The following TTLL11 variants were observed in gnomAD, a reference collection of about 807,000 sequenced individuals.
TTLL11 encodes the protein tubulin tyrosine ligase like 11, also known as tubulin polyglutamylase TTLL11.
In TTLL11, 42 loss-of-function variants were observed where a neutral mutation model predicts 51.7. The ratio of observed to expected loss-of-function variants is 0.81; its 90% CI spans 0.64 to 1.05. The LOEUF is 1.05. TTLL11 is among the 50% of genes least tolerant of loss of function. The pLI is 0.00. For missense variants in TTLL11, 799 were observed against 940.4 expected (o/e 0.85, Z 1.97); for synonymous variants, 381 against 383.5 (o/e 0.99, Z 0.08).
intron 7 of TTLL11, among the ~76,000 whole-genome samples, chr9:121,870,198 C>A (rs575871278): frequency 1.6e-4 from 25 of 152,202 alleles, no homozygotes; most frequent in Non-Finnish European, 3.2e-4. Flanking sequence ...CAAGGTCTGC[C>A]TGACTCCAAG....
At chr9:122,004,235 G>C (rs1230408015) in intron 3 of TTLL11, among the ~76,000 whole-genome samples, 1 of 152,186 alleles carries the variant, frequency 6.6e-6, no homozygotes, top group Non-Finnish European at 1.5e-5. Context: ...AAATCATTTT[G>C]TCCTGAGCTT....
chr9:121,836,142 C>T (rs762437930), intron 8 of TTLL11, among the ~76,000 whole-genome samples: 1 of 152,112 alleles, frequency 6.6e-6, no homozygotes, highest in Non-Finnish European at 1.5e-5. Context: ...GCTTTTATGG[C>T]CCCTGATTGT....
At chr9:122,053,456 A>T (rs1340386236) in intron 1 of TTLL11, among the ~76,000 whole-genome samples, 2 of 152,182 alleles carry the variant, frequency 1.3e-5, no homozygotes, top group African/African-American at 4.8e-5. Context: ...CAGCCCACAC[A>T]GCCCACACAG....
intron 6 of TTLL11, among the ~76,000 whole-genome samples, chr9:121,905,778 T>C (rs1050612720): frequency 4.6e-5 from 7 of 152,216 alleles, no homozygotes; most frequent in Admixed American, 1.3e-4. Flanking sequence ...TTGTCACTGC[T>C]TGGATGAACC....
intron 6 of TTLL11, among the ~76,000 whole-genome samples, chr9:121,951,082 A>G (rs535184906): frequency 2.0e-5 from 3 of 152,294 alleles, no homozygotes; most frequent in East Asian, 3.9e-4. Flanking sequence ...CTGATGGCGG[A>G]ACATCAGCTC....
intron 3 of TTLL11, among the ~76,000 whole-genome samples, chr9:122,031,517 G>A (rs556458163): frequency 6.6e-6 from 1 of 152,208 alleles, no homozygotes; most frequent in South Asian, 2.1e-4. Context: ...GTCAAGACCC[G>A]TTTCTTCAGT....
At chr9:121,882,839 C>T (rs998436564) in intron 6 of TTLL11, among the ~76,000 whole-genome samples, 2 of 152,198 alleles carry the variant, frequency 1.3e-5, no homozygotes, top group Non-Finnish European at 2.9e-5. Flanking sequence ...TCCCACAGTA[C>T]TTTATAGTGG....
At position 121,902,234 on chromosome 9, in the gene TTLL11, G is replaced by A. The variant is rs138523250; in HGVS notation, c.1482-31486C>T. On this transcript the variant is annotated intron_variant, in intron 6 of 8. Coordinates refer to ENST00000321582, the MANE Select transcript of TTLL11 (RefSeq NM_001139442.2). The stretch of plus-strand genomic sequence containing the variant: ...CTTATCTATATAAAATAGATCCTCC[G>A]TATTTGTTATTTTGAAAGCTTTTTC... Among the ~76,000 whole-genome samples the A allele has an allele frequency of 1.7e-4, 26 of 152,208 alleles. No homozygotes were observed. The East Asian group carries it at 4.0e-3, about 24-fold the overall frequency.
chr9:122,089,250 C>T (rs1399162696), intron 1 of TTLL11, among the ~76,000 whole-genome samples: 1 of 152,152 alleles, frequency 6.6e-6, no homozygotes, highest in Non-Finnish European at 1.5e-5. Context: ...CACCTGAGTA[C>T]TCCCCAAACC....
At chr9:122,087,286 T>C (rs1846149999) in intron 1 of TTLL11, among the ~76,000 whole-genome samples, 1 of 152,170 alleles carries the variant, frequency 6.6e-6, no homozygotes, top group Non-Finnish European at 1.5e-5. Flanking sequence ...TTCAGCTCAC[T>C]GCAACCTCCG....
intron 6 of TTLL11, among the ~76,000 whole-genome samples, chr9:121,973,170 G>A (rs1237869698): frequency 6.6e-6 from 1 of 152,192 alleles, no homozygotes; most frequent in Non-Finnish European, 1.5e-5. Context: ...CATGGAGGGA[G>A]GGCGAAGCAC....
chr9:121,906,559 C>A (rs1226592525), intron 6 of TTLL11, among the ~76,000 whole-genome samples: 17 of 151,920 alleles, frequency 1.1e-4, no homozygotes, highest in Admixed American at 1.1e-3. Flanking sequence ...AGCACAGAAA[C>A]CAGTGCAAAA....
At position 121,915,471 on chromosome 9, in the gene TTLL11, G is replaced by C. The variant is rs368251821; in HGVS notation, c.1482-44723C>G. ...TGACTTCCCGATACATCTCATGTTT[G>C]CTTATTCTGACACCCATCACATCGT... On this transcript the variant is annotated intron_variant, in intron 6 of 8. Transcript: ENST00000321582. 5.9e-5 allele frequency among the ~76,000 whole-genome samples: 9 copies of C among 152,256 alleles called. No homozygotes were observed. The East Asian group carries it at 1.7e-3, about 29-fold the overall frequency.
At chr9:121,895,621 A>G (rs1308729821) in intron 6 of TTLL11, among the ~76,000 whole-genome samples, 1 of 139,624 alleles carries the variant, frequency 7.2e-6, no homozygotes, top group Non-Finnish European at 1.6e-5. Flanking sequence ...CTGTGTGAAC[A>G]TGTGGTCATG....
intron 6 of TTLL11, among the ~76,000 whole-genome samples, chr9:121,925,693 C>A (rs1840703167): frequency 1.3e-5 from 2 of 152,204 alleles, no homozygotes; most frequent in South Asian, 2.1e-4. Flanking sequence ...TGTCTCCTGG[C>A]TGGACTGCAA....
At chr9:121,915,809 A>G (rs1840300108) in intron 6 of TTLL11, among the ~76,000 whole-genome samples, 1 of 152,086 alleles carries the variant, frequency 6.6e-6, no homozygotes, top group Non-Finnish European at 1.5e-5. Context: ...TTATTGGCTT[A>G]TAAAGTCTGG....
chr9:121,937,670 A>G (rs1310762226), intron 6 of TTLL11, among the ~76,000 whole-genome samples: 1 of 152,006 alleles, frequency 6.6e-6, no homozygotes, highest in African/African-American at 2.4e-5. Context: ...GACTCTGTGA[A>G]AAGTATTAAG....
At chr9:121,959,788 A>G (rs1842154305) in intron 6 of TTLL11, among the ~76,000 whole-genome samples, 1 of 151,980 alleles carries the variant, frequency 6.6e-6, no homozygotes, top group Non-Finnish European at 1.5e-5. Flanking sequence ...TTTTAGGAGG[A>G]AAAGCCAAAT....
chr9:121,898,574 C>CCTAA (rs1315370502), intron 6 of TTLL11, among the ~76,000 whole-genome samples: 1 of 152,222 alleles, frequency 6.6e-6, no homozygotes, highest in East Asian at 1.9e-4. Flanking sequence ...AATGCAGGGT[C>CCTAA]CTAACGCTCC....
Sources: allele counts gnomAD v4.1 joint callset (sites outside exome capture counted in the v4.1 genomes callset), GRCh38; gene constraint gnomAD v4.1.1; transcripts MANE v1.5; gene names NCBI Gene and HGNC (gene_info 2026-07-23, HGNC 2026-07-21).